Variants in GABRB1 observed in about 807,000 individuals in gnomAD.
GABRB1 encodes gamma-aminobutyric acid type A receptor subunit beta1, also known as gamma-aminobutyric acid receptor subunit beta-1.
A neutral mutation model predicts 51.6 loss-of-function variants in GABRB1; 17 were observed. That is an observed-to-expected ratio of 0.33 (90% CI 0.23 to 0.49). GABRB1 has a LOEUF of 0.49. GABRB1 is among the 20% of genes least tolerant of loss of function. The pLI, the probability that GABRB1 is intolerant of heterozygous loss-of-function variation, is 0.99. For missense variants in GABRB1, 410 were observed against 600.6 expected (o/e 0.68, Z 3.32); for synonymous variants, 247 against 218.9 (o/e 1.13, Z -1.14).
chr4:47,166,331 C>A (rs577965966), intron 4 of GABRB1, among the ~76,000 whole-genome samples: 1 of 152,098 alleles, frequency 6.6e-6, no homozygotes, highest in Admixed American at 6.6e-5. Context: ...TCTTCCCTGT[C>A]ATCCACTTCT....
intron 3 of GABRB1, among the ~76,000 whole-genome samples, chr4:47,092,588 C>CAGTT (rs1319075412): frequency 6.6e-6 from 1 of 151,280 alleles, no homozygotes; most frequent in Non-Finnish European, 1.5e-5. Flanking sequence ...TTGCAGATAT[C>CAGTT]AGTTGGCATC....
At chr4:47,065,227 G>C (rs927680319) in intron 3 of GABRB1, among the ~76,000 whole-genome samples, 3 of 152,234 alleles carry the variant, frequency 2.0e-5, no homozygotes, top group Non-Finnish European at 4.4e-5. Flanking sequence ...ACACCAGTGT[G>C]CAATGCTGCC....
chr4:47,399,428 G>A (rs1039149832), intron 5 of GABRB1, among the ~76,000 whole-genome samples: 4 of 152,096 alleles, frequency 2.6e-5, no homozygotes, highest in African/African-American at 9.7e-5. Context: ...TGTTTGTAGG[G>A]ATGAAATCAA....
chr4:47,253,818 G>A (rs1166684131), intron 4 of GABRB1, among the ~76,000 whole-genome samples: 1 of 152,054 alleles, frequency 6.6e-6, no homozygotes, highest in Non-Finnish European at 1.5e-5. Context: ...ATAAAGAAAA[G>A]GCCATAATAG....
intron 1 of GABRB1, among the ~76,000 whole-genome samples, chr4:47,013,084 T>C (rs1400006788): frequency 6.6e-6 from 1 of 152,070 alleles, no homozygotes; most frequent in East Asian, 1.9e-4. Context: ...TAAATTAGAG[T>C]GCAATGAACA....
chr4:47,159,839 A>T (rs545324677), intron 3 of GABRB1, among the ~76,000 whole-genome samples: 1 of 152,058 alleles, frequency 6.6e-6, no homozygotes, highest in Non-Finnish European at 1.5e-5. Flanking sequence ...ACTGGTATAT[A>T]TAACAGTGGC....
intron 5 of GABRB1, among the ~76,000 whole-genome samples, chr4:47,354,059 G>A (rs1222648459): frequency 6.6e-6 from 1 of 152,108 alleles, no homozygotes; most frequent in Non-Finnish European, 1.5e-5. Flanking sequence ...TTACTGCTCT[G>A]AAGTTCCCAA....
intron 7 of GABRB1, among the ~76,000 whole-genome samples, chr4:47,404,533 T>G (rs1206974616): frequency 7.1e-6 from 1 of 140,676 alleles, no homozygotes; most frequent in Non-Finnish European, 1.5e-5. Flanking sequence ...ACACACATCA[T>G]TTCTGGCTAA....
intron 4 of GABRB1, among the ~76,000 whole-genome samples, chr4:47,208,772 C>T (rs1277840110): frequency 6.6e-6 from 1 of 152,030 alleles, no homozygotes; most frequent in African/African-American, 2.4e-5. Context: ...TCTTTTCCTG[C>T]TGGGCATGAT....
At chr4:47,393,581 T>C (rs1253382335) in intron 5 of GABRB1, among the ~76,000 whole-genome samples, 6 of 152,230 alleles carry the variant, frequency 3.9e-5, no homozygotes, top group Non-Finnish European at 8.8e-5. Context: ...GATTCAACTT[T>C]GCCAAAGTTC....
At chr4:47,330,079 G>C (rs559441676) in intron 5 of GABRB1, among the ~76,000 whole-genome samples, 1 of 152,230 alleles carries the variant, frequency 6.6e-6, no homozygotes, top group Non-Finnish European at 1.5e-5. Flanking sequence ...TTCCATTTGA[G>C]TTCAAAAGCA....
intron 3 of GABRB1, among the ~76,000 whole-genome samples, chr4:47,094,030 C>G (rs1047031899): frequency 6.6e-6 from 1 of 151,636 alleles, no homozygotes; most frequent in South Asian, 2.1e-4. Context: ...CAGTGGCTCT[C>G]GGTGTGGGCA....
chr4:47,409,844 C>G (rs1366308280), intron 8 of GABRB1, among the ~76,000 whole-genome samples: 1 of 152,196 alleles, frequency 6.6e-6, no homozygotes, highest in Non-Finnish European at 1.5e-5. Context: ...TGATTCCACA[C>G]TAGGATATCA....
chr4:47,073,451 A>G (rs1488808052), intron 3 of GABRB1, among the ~76,000 whole-genome samples: 1 of 152,184 alleles, frequency 6.6e-6, no homozygotes, highest in East Asian at 1.9e-4. Context: ...TCAAACATAT[A>G]GATTGTCCAG....
chr4:47,376,090 G>A lies in GABRB1; in HGVS notation c.545-27228G>A, dbSNP rs113973310. Among the ~76,000 whole-genome samples the A allele has an allele frequency of 6.0e-3, 907 of 152,288 alleles. 9 individuals are homozygous for A. The highest frequency in any genetic ancestry group is 0.02 in the African/African-American group (837 of 41,558). ...AACCAAAACTTAGGAATCATCCTCA[G>A]TCATTAAACCAAGAGTGGAAATACT... On this transcript the variant is annotated intron_variant, in intron 5 of 8. Transcript: ENST00000295454.
intron 4 of GABRB1, among the ~76,000 whole-genome samples, chr4:47,298,960 A>G (rs946912616): frequency 6.6e-6 from 1 of 151,978 alleles, no homozygotes; most frequent in Non-Finnish European, 1.5e-5. Context: ...CTGATCTTTG[A>G]CAAAGCTGAG....
intron 4 of GABRB1, among the ~76,000 whole-genome samples, chr4:47,237,461 G>A (rs1022449012): frequency 7.2e-5 from 11 of 152,014 alleles, no homozygotes; most frequent in African/African-American, 2.7e-4. Context: ...CAGAACTATG[G>A]ATAAGGTCTT....
At chr4:47,051,546 C>T (rs899670956) in intron 3 of GABRB1, among the ~76,000 whole-genome samples, 4 of 152,090 alleles carry the variant, frequency 2.6e-5, no homozygotes, top group East Asian at 3.9e-4. Context: ...TCTCCACTTC[C>T]TCATAAAGGC....
intron 3 of GABRB1, among the ~76,000 whole-genome samples, chr4:47,121,632 C>A (rs576493864): frequency 8.0e-4 from 121 of 152,160 alleles, no homozygotes; most frequent in Non-Finnish European, 1.5e-3. Flanking sequence ...ACAAAAATGC[C>A]ACTAAATTGA....
Sources: gnomAD v4.1 joint callset for allele counts (sites outside exome capture counted in the v4.1 genomes callset) on GRCh38, gnomAD v4.1.1 for gene constraint, MANE v1.5 for transcripts, NCBI Gene and HGNC (gene_info 2026-07-23, HGNC 2026-07-21) for gene names.